Variants in RXRA observed in about 807,000 individuals in gnomAD.
The protein encoded by RXRA is retinoic acid receptor RXR-alpha.
A neutral mutation model predicts 44.5 loss-of-function variants in RXRA; 5 were observed. That is an observed-to-expected ratio of 0.11 (90% CI 0.06 to 0.24). The LOEUF (loss-of-function observed/expected upper bound fraction) is 0.24, where lower values mean the gene tolerates loss of function less well. RXRA is among the 10% of genes least tolerant of loss of function. The pLI is 1.00. For missense variants in RXRA, 412 were observed against 646.5 expected (o/e 0.64, Z 3.93); for synonymous variants, 291 against 271.4 (o/e 1.07, Z -0.71).
At chr9:134,422,815 G>A in intron 6 of RXRA, 2 of 985,492 alleles carry the variant, frequency 2.0e-6, no homozygotes, top group Non-Finnish European at 2.4e-6. Flanking sequence ...AGAGGTAATG[G>A]GCTGTCGGTG....
At chr9:134,390,596 C>A (rs917175510) in intron 1 of RXRA, among the ~76,000 whole-genome samples, 3 of 152,196 alleles carry the variant, frequency 2.0e-5, no homozygotes, top group African/African-American at 7.2e-5. Context: ...GAGGGACGTG[C>A]TGAGGCTGAG....
intron 1 of RXRA, among the ~76,000 whole-genome samples, chr9:134,396,219 T>C (rs1167953738): frequency 6.6e-6 from 1 of 152,178 alleles, no homozygotes; most frequent in African/African-American, 2.4e-5. Context: ...GGCCGGCATC[T>C]CCTGGGTTGG....
intron 1 of RXRA, among the ~76,000 whole-genome samples, chr9:134,332,890 C>T (rs1267756178): frequency 2.6e-5 from 4 of 152,056 alleles, no homozygotes; most frequent in Non-Finnish European, 5.9e-5. Context: ...CTCAGCATGG[C>T]AGCCTGGGAA....
chr9:134,435,157 A>G (rs1831596784), intron 9 of RXRA, among the ~76,000 whole-genome samples: 1 of 152,214 alleles, frequency 6.6e-6, no homozygotes, highest in Admixed American at 6.5e-5. Flanking sequence ...GAGGCAGCCA[A>G]CCACAGAGCT....
intron 6 of RXRA, chr9:134,424,154 G>A (rs1038312396): frequency 1.1e-5 from 11 of 985,256 alleles, no homozygotes; most frequent in Non-Finnish European, 1.3e-5. Flanking sequence ...GAGGTTAGAG[G>A]GTTTCTGTGG....
In RXRA at chr9:134,407,979, G is replaced by T. The variant is rs1831082645; in HGVS notation, c.280-170G>T. ...CTGGCCTTGCTGAGCAAGCACAGTG[G>T]CCCCGCTGCTCCGGAGCAGCGTGGC... On this transcript the variant is annotated intron_variant, in intron 2 of 9. Transcript: ENST00000481739. The surrounding 1 kb of genome is among the most constrained non-coding windows in gnomAD (Gnocchi z 4.8). 6.6e-6 allele frequency among the ~76,000 whole-genome samples: 1 copy of T among 151,852 alleles called. No individual in the cohort carries two copies. The highest frequency in any genetic ancestry group is 1.5e-5 in the Non-Finnish European group (1 of 67,920).
rs138853428 is a variant in RXRA, at chr9:134,366,403, G to A, written c.29-35229G>A. On this transcript the variant is annotated intron_variant, in intron 1 of 9. Coordinates refer to ENST00000481739, the MANE Select transcript of RXRA (RefSeq NM_002957.6). The surrounding 1 kb of genome is among the most constrained non-coding windows in gnomAD (Gnocchi z 5.9). ...CAGACGGTTCCCAGCTTCCTCTGCA[G>A]GGCGGGGCTGCTCCAGTCTCTTACA... 3.2e-3 allele frequency among the ~76,000 whole-genome samples: 484 copies of A among 152,296 alleles called. 2 individuals carry two copies. The highest frequency in any genetic ancestry group is 4.9e-3 in the Non-Finnish European group (335 of 68,014).
At chr9:134,327,596 C>G (rs1266787539) in intron 1 of RXRA, among the ~76,000 whole-genome samples, 1 of 152,184 alleles carries the variant, frequency 6.6e-6, no homozygotes, top group Non-Finnish European at 1.5e-5. Flanking sequence ...GAATGGAAAT[C>G]GAAACAGCTG....
At chr9:134,376,076 A>G (rs1830552938) in intron 1 of RXRA, among the ~76,000 whole-genome samples, 1 of 151,730 alleles carries the variant, frequency 6.6e-6, no homozygotes, top group Non-Finnish European at 1.5e-5. Flanking sequence ...ACAAAAATGG[A>G]ATTCAGATTT....
chr9:134,374,933 C>T lies in RXRA; in HGVS notation c.29-26699C>T, dbSNP rs1436210869. 3.3e-5 allele frequency among the ~76,000 whole-genome samples: 5 copies of T among 152,130 alleles called. No individual in the cohort carries two copies. In the East Asian group the frequency reaches 7.7e-4, roughly 23 times the overall value. ...TACTTGGCACCTGCTATGTGCCAGG[C>T]ACTGGCCAGGGCCCAGGGTGTCACA... On this transcript the variant is annotated intron_variant, in intron 1 of 9. Coordinates refer to ENST00000481739, the MANE Select transcript of RXRA (RefSeq NM_002957.6).
rs369993354 is a variant in RXRA at position 134,440,091 on chromosome 9, TA to T, written c.*3489del. ...AAAATGTCTAAAGCATCTGGAAAGG[TA>T]AAAAAAAAAAATCTATTTTTGTACA... On this transcript the variant is annotated 3_prime_UTR_variant, in exon 10 of 10. Coordinates refer to ENST00000481739, the MANE Select transcript of RXRA (RefSeq NM_002957.6). 0.015 allele frequency: 2,189 copies of T among 146,556 alleles called. 53 individuals carry two copies. The highest frequency in any genetic ancestry group is 0.05 in the African/African-American group (2,005 of 40,306). The allele number at this position is 146,556 out of a possible 1,614,324, so 9.1% of individuals were successfully genotyped here. A position where few individuals can be genotyped will look rare whatever the true frequency, so the allele number is the denominator to read the frequency against.
intron 2 of RXRA, chr9:134,405,551 C>T (rs1831036561): frequency 6.6e-6 from 1 of 152,324 alleles, no homozygotes; most frequent in African/African-American, 2.4e-5. Context: ...GGTGCTCCCT[C>T]AGTTTACCCA....
intron 1 of RXRA, among the ~76,000 whole-genome samples, chr9:134,329,878 G>A (rs1350337868): frequency 6.6e-6 from 1 of 152,202 alleles, no homozygotes; most frequent in Admixed American, 6.5e-5. Context: ...GAATTACTGT[G>A]GGAACAGGGG....
chr9:134,401,392 G>A (rs748327316), intron 1 of RXRA: 20 of 597,700 alleles, frequency 3.3e-5, no homozygotes, highest in Non-Finnish European at 5.5e-5. Flanking sequence ...TGCGTCTGCC[G>A]CAGGCCCAGC....
chr9:134,431,192 G>A (rs1376543150), intron 7 of RXRA, among the ~76,000 whole-genome samples: 1 of 152,258 alleles, frequency 6.6e-6, no homozygotes, highest in East Asian at 1.9e-4. Flanking sequence ...TTGAGCTTTG[G>A]GGTTGGTGGG....
rs1269539322 is a variant in RXRA, at chr9:134,408,292, C to T, written c.423C>T (p.Arg141=). ...ACATCTGCGCCATCTGCGGGGACCGCTCCTCAGGTACCGCTGCTGTGGGGG... is the reference window on the plus strand; with the variant it reads ...ACATCTGCGCCATCTGCGGGGACCGTTCCTCAGGTACCGCTGCTGTGGGGG... ...TKHICAICGD[R]SSGKHYGVYS... is the part of the protein sequence containing the mutation. The change falls in exon 3 of 10, where the codon CGC becomes CGT. Residue 141 remains arginine, a synonymous_variant. Transcript: ENST00000481739. The T allele has an allele frequency of 3.1e-6, 5 of 1,605,760 alleles. No individual in the cohort carries two copies. Among genetic ancestry groups the T allele is most frequent in the Admixed American group, 3.4e-5 (2 of 58,756 alleles).
At chr9:134,435,401 C>G (rs1017218903) in intron 9 of RXRA, among the ~76,000 whole-genome samples, 16 of 150,976 alleles carry the variant, frequency 1.1e-4, no homozygotes, top group Admixed American at 2.0e-4. Context: ...TCCCGCCCCC[C>G]CACTGGTCCC....
At chr9:134,347,950 G>A (rs1355173381) in intron 1 of RXRA, among the ~76,000 whole-genome samples, 2 of 152,124 alleles carry the variant, frequency 1.3e-5, no homozygotes, top group African/African-American at 4.8e-5. Context: ...GACCCCAGGG[G>A]CAGGAGGGGA....
intron 1 of RXRA, among the ~76,000 whole-genome samples, chr9:134,386,739 C>T (rs1223104014): frequency 1.3e-5 from 2 of 152,152 alleles, no homozygotes; most frequent in Admixed American, 6.5e-5. Context: ...TCTGGTGTCC[C>T]CCCGGGTGTC....
Sources: allele counts gnomAD v4.1 joint callset (sites outside exome capture counted in the v4.1 genomes callset), GRCh38; gene constraint gnomAD v4.1.1; non-coding constraint Gnocchi (gnomAD v3.1); transcripts MANE v1.5; gene names NCBI Gene and HGNC (gene_info 2026-07-23, HGNC 2026-07-21).